BCL11B: variants seen among roughly 807,000 people sequenced by gnomAD.
BCL11B encodes the protein BCL11 transcription factor B, also known as B-cell lymphoma/leukemia 11B.
BCL11B carries 8 observed loss-of-function variants against 49.9 expected under a neutral mutation model. That is an observed-to-expected ratio of 0.16 (90% CI 0.09 to 0.29). The LOEUF (loss-of-function observed/expected upper bound fraction) is 0.29, where lower values mean the gene tolerates loss of function less well. BCL11B is among the 10% of genes least tolerant of loss of function. The pLI, the probability that BCL11B is intolerant of heterozygous loss-of-function variation, is 1.00. For synonymous variants in BCL11B, 739 were observed against 637.4 expected, an observed-to-expected ratio of 1.16 and a Z score of -2.40; for missense variants, 1,006 against 1,351.0, an observed-to-expected ratio of 0.74 and a Z score of 4.00.
At chr14:99,176,246 G>A in intron 3 of BCL11B, 51 bp from the exon 4 acceptor site, 20 of 1,554,610 alleles carry the variant, frequency 1.3e-5, no homozygotes, top group Non-Finnish European at 1.7e-5. Flanking sequence ...AAGCGGCAGC[G>A]GGGCGCGGGC....
chr14:99,250,216 T>C (rs922731278), intron 2 of BCL11B, among the ~76,000 whole-genome samples: 4 of 151,798 alleles, frequency 2.6e-5, no homozygotes, highest in African/African-American at 7.3e-5. Flanking sequence ...TTTGTATTTT[T>C]AGTCGAGACG....
In BCL11B at chr14:99,241,950, G is replaced by A. The variant is rs1171685736; in HGVS notation, c.428-10393C>T. On this transcript the variant is annotated intron_variant, in intron 2 of 3. Transcript: ENST00000357195. This position sits in a 1 kb window ranked among gnomAD's most constrained non-coding sequence, Gnocchi z 4.4. ...TTTTTCACTACCGAAGACGCCAAGC[G>A]TAAACATGATTTATTTAGCTGTGTT... is the stretch of plus-strand genomic sequence containing the variant. Among the ~76,000 whole-genome samples, 2 of 152,250 alleles carry A rather than the reference G, an allele frequency of 1.3e-5. No individual in the cohort carries two copies. Among genetic ancestry groups the A allele is most frequent in the Non-Finnish European group, 2.9e-5 (2 of 68,014 alleles).
At chr14:99,196,053 C>CA (rs1218110042) in intron 3 of BCL11B, among the ~76,000 whole-genome samples, 4 of 152,098 alleles carry the variant, frequency 2.6e-5, no homozygotes, top group Non-Finnish European at 5.9e-5. Flanking sequence ...ATTCATGCAT[C>CA]AAAAAAACCC....
In BCL11B at chr14:99,173,956, A is replaced by G; in HGVS notation, c.*195T>C. 2 of 601,832 alleles carry G rather than the reference A, an allele frequency of 3.3e-6. No individual in the cohort carries two copies. The highest frequency in any genetic ancestry group is 5.9e-6 in the Non-Finnish European group (2 of 340,994). The allele number at this position is 601,832 out of a possible 1,614,324, so 37.3% of individuals were successfully genotyped here. A position where few individuals can be genotyped will look rare whatever the true frequency, so the allele number is the denominator to read the frequency against. Reference sequence around the variant, plus strand: ...TATTGCACAGTTAAAAGGCTCCACAATTTGTACTGCCTTAATCAACCCTCG... The same window carrying G: ...TATTGCACAGTTAAAAGGCTCCACAGTTTGTACTGCCTTAATCAACCCTCG... On this transcript the variant is annotated 3_prime_UTR_variant, in exon 4 of 4. Transcript: ENST00000357195.
At chr14:99,270,410 T>A (rs1471186707) in intron 1 of BCL11B, among the ~76,000 whole-genome samples, 3 of 105,532 alleles carry the variant, frequency 2.8e-5, no homozygotes, top group African/African-American at 1.1e-4. Flanking sequence ...CCAACCCCAA[T>A]CCCCCCACCT....
intron 2 of BCL11B, among the ~76,000 whole-genome samples, chr14:99,256,239 A>G (rs1889160349): frequency 6.6e-6 from 1 of 152,308 alleles, no homozygotes; most frequent in Admixed American, 6.5e-5. Context: ...AAGCATGGTA[A>G]CGATCAATGC....
At chr14:99,243,243 G>A (rs1888721331) in intron 2 of BCL11B, among the ~76,000 whole-genome samples, 2 of 152,098 alleles carry the variant, frequency 1.3e-5, no homozygotes, top group African/African-American at 2.4e-5. Context: ...GGGAAGTGGG[G>A]GAGTTTCCTA....
chr14:99,242,429 C>T lies in BCL11B; in HGVS notation c.428-10872G>A, dbSNP rs556257704. On this transcript the variant is annotated intron_variant, in intron 2 of 3. Coordinates refer to ENST00000357195, the MANE Select transcript of BCL11B (RefSeq NM_138576.4). This position sits in a 1 kb window ranked among gnomAD's most constrained non-coding sequence, Gnocchi z 4.4. ...TTCCTTGCCCAGCCTTGCATGCCCACGTGGAATTTACTTAGATCTGTATTC... is the reference window on the plus strand; with the variant it reads ...TTCCTTGCCCAGCCTTGCATGCCCATGTGGAATTTACTTAGATCTGTATTC... Among the ~76,000 whole-genome samples, 2 of 152,266 alleles carry T rather than the reference C, an allele frequency of 1.3e-5. No individual in the cohort carries two copies. The highest frequency in any genetic ancestry group is 4.1e-4 in the South Asian group (2 of 4,822).
rs192477417 is a variant in BCL11B, at chr14:99,260,220, G to A, written c.59-2381C>T. ...TTGAGAATTCAAAGGAAACAGGGGC[G>A]AGGTGCGGTACCTGGTACTATTTTA... On this transcript the variant is annotated intron_variant, in intron 1 of 3. Coordinates refer to ENST00000357195, the MANE Select transcript of BCL11B (RefSeq NM_138576.4). Among the ~76,000 whole-genome samples, 4 of 152,306 alleles carry A rather than the reference G, an allele frequency of 2.6e-5. No individual in the cohort carries two copies. The East Asian group carries it at 5.8e-4, about 22-fold the overall frequency.
Position 99,192,781 on chromosome 14 carries a change from T to C in BCL11B, c.641-16586A>G, listed in dbSNP as rs1887070641. Among the ~76,000 whole-genome samples the C allele has an allele frequency of 6.6e-6, 1 of 152,200 alleles. No individual in the cohort carries two copies. The highest frequency in any genetic ancestry group is 1.5e-5 in the Non-Finnish European group (1 of 68,042). ...GCGAGTGACACCTGTATTGAGGATG[T>C]GGAAAGATTCCAGAGCGTGCATGGA... On this transcript the variant is annotated intron_variant, in intron 3 of 3. Transcript: ENST00000357195. The surrounding 1 kb of genome is among the most constrained non-coding windows in gnomAD (Gnocchi z 4.0).
At chr14:99,260,922 G>A (rs1429949205) in intron 1 of BCL11B, among the ~76,000 whole-genome samples, 1 of 152,058 alleles carries the variant, frequency 6.6e-6, no homozygotes, top group East Asian at 1.9e-4. Flanking sequence ...CCACGTCCCA[G>A]ACCAGAGATC....
chr14:99,263,552 C>G (rs942481230), intron 1 of BCL11B, among the ~76,000 whole-genome samples: 1 of 152,232 alleles, frequency 6.6e-6, no homozygotes. Flanking sequence ...TCTACAGACT[C>G]CAGGCGGGAA....
rs1888685787 is a variant in BCL11B at position 99,242,050 on chromosome 14, A to G, written c.428-10493T>C. On this transcript the variant is annotated intron_variant, in intron 2 of 3. Transcript: ENST00000357195. This position sits in a 1 kb window ranked among gnomAD's most constrained non-coding sequence, Gnocchi z 4.4. ...AGGGTGGGTAGAAGGGGACAGGAAA[A>G]GGGGAGTGGGGAGGACATCAGGGAG... Among the ~76,000 whole-genome samples, 1 of 152,138 alleles carries G rather than the reference A, an allele frequency of 6.6e-6. No homozygotes were observed.
At chr14:99,246,272 G>A (rs1888833795) in intron 2 of BCL11B, among the ~76,000 whole-genome samples, 1 of 152,226 alleles carries the variant, frequency 6.6e-6, no homozygotes, top group South Asian at 2.1e-4. Context: ...TCGCCGCCCG[G>A]CTCAGGCAGC....
At chr14:99,264,289 C>CG (rs35182102) in intron 1 of BCL11B, 1 of 106,346 alleles carries the variant, frequency 9.4e-6, no homozygotes, top group Admixed American at 9.2e-5. Context: ...CATGACACCG[C>CG]CCCCCCCCTT....
At chr14:99,264,034 C>T (rs1471154978) in intron 1 of BCL11B, 1 of 152,258 alleles carries the variant, frequency 6.6e-6, no homozygotes, top group Non-Finnish European at 1.5e-5. Flanking sequence ...CAAATGCCTT[C>T]AATCTTCAGA....
At chr14:99,190,501 TA>T (rs1886992286) in intron 3 of BCL11B, among the ~76,000 whole-genome samples, 1 of 152,158 alleles carries the variant, frequency 6.6e-6, no homozygotes, top group Admixed American at 6.5e-5. Flanking sequence ...TAGAAATAAA[TA>T]AATACTAATT....
At position 99,247,232 on chromosome 14, in the gene BCL11B, C is replaced by T. The variant is rs1172796425; in HGVS notation, c.427+10239G>A. ...TTCGTTTTCCCAACAAATAAAGTCG[C>T]CTAGTTTGCAGGGAAAGTTTTACAA... On this transcript the variant is annotated intron_variant, in intron 2 of 3. Coordinates refer to ENST00000357195, the MANE Select transcript of BCL11B (RefSeq NM_138576.4). The surrounding 1 kb of genome is among the most constrained non-coding windows in gnomAD (Gnocchi z 4.5). Among the ~76,000 whole-genome samples, 2 of 152,178 alleles carry T rather than the reference C, an allele frequency of 1.3e-5. No homozygotes were observed. The highest frequency in any genetic ancestry group is 2.9e-5 in the Non-Finnish European group (2 of 68,038).
rs147127382 is a variant in BCL11B, at chr14:99,170,072, G to A, written c.*4079C>T. 2.6e-3 allele frequency: 600 copies of A among 227,532 alleles called. No individual in the cohort carries two copies. Among genetic ancestry groups the A allele is most frequent in the Admixed American group, 4.3e-3 (76 of 17,544 alleles). The allele number at this position is 227,532 out of a possible 1,614,324, so 14.1% of individuals were successfully genotyped here. A position where few individuals can be genotyped will look rare whatever the true frequency, so the allele number is the denominator to read the frequency against. On this transcript the variant is annotated 3_prime_UTR_variant, in exon 4 of 4. Transcript: ENST00000357195. ...GAGACACACAATGCTTGTGCTTTGG[G>A]ATGGCTTAGTCCTGGCAATCTGGTA...
Sources: allele counts gnomAD v4.1 joint callset (sites outside exome capture counted in the v4.1 genomes callset), GRCh38; gene constraint gnomAD v4.1.1; non-coding constraint Gnocchi (gnomAD v3.1); transcripts MANE v1.5; gene names NCBI Gene and HGNC (gene_info 2026-07-23, HGNC 2026-07-21).